LRRC37A3: variants seen among roughly 807,000 people sequenced by gnomAD.
LRRC37A3 encodes the protein leucine rich repeat containing 37 member A3, also known as leucine-rich repeat-containing protein 37A3.
Under a neutral mutation model 106.2 loss-of-function variants are expected in LRRC37A3, and 25 were observed. That is an observed-to-expected ratio of 0.24 (90% CI 0.17 to 0.33). LRRC37A3 has a LOEUF of 0.33. Ranked by LOEUF, LRRC37A3 falls within the 10% of genes least tolerant of loss-of-function variation. The pLI, the probability that LRRC37A3 is intolerant of heterozygous loss-of-function variation, is 1.00. For missense variants in LRRC37A3, 712 were observed against 1,644.9 expected (o/e 0.43, Z 9.81); for synonymous variants, 305 against 635.8 (o/e 0.48, Z 7.83).
intron 2 of LRRC37A3, among the ~76,000 whole-genome samples, chr17:64,918,480 T>G: frequency 6.6e-6 from 1 of 152,192 alleles, no homozygotes; most frequent in Non-Finnish European, 1.5e-5. Context: ...GATGTGTACA[T>G]GATTCATGTT....
rs573956834 is a variant in LRRC37A3, at chr17:64,864,573, G to A, written c.3054-1555C>T. On this transcript the variant is annotated intron_variant, in intron 10 of 14. Coordinates refer to ENST00000584306, the MANE Select transcript of LRRC37A3 (RefSeq NM_199340.5). ...TTTCAGAGAGATAAAAACAATCCCT[G>A]TAACTGAAGTAAAAGGTTAATCTTA... 2.2e-3 allele frequency among the ~76,000 whole-genome samples: 329 copies of A among 151,974 alleles called. 1 individual carries two copies. Among genetic ancestry groups the A allele is most frequent in the African/African-American group, 7.5e-3 (312 of 41,446 alleles).
intron 8 of LRRC37A3, chr17:64,881,214 G>T: frequency 1.4e-6 from 1 of 700,758 alleles, no homozygotes; most frequent in East Asian, 2.7e-5. Context: ...TAGAGAATCT[G>T]AAACAGTGAG....
intron 2 of LRRC37A3, among the ~76,000 whole-genome samples, chr17:64,913,337 GTTTT>G (rs945846426): frequency 4.8e-5 from 5 of 103,764 alleles, no homozygotes; most frequent in Non-Finnish European, 6.8e-5. Flanking sequence ...CCTATTTTGG[GTTTT>G]TTTTTTTTTT....
At chr17:64,881,681 T>C (rs1347492455) in intron 8 of LRRC37A3, among the ~76,000 whole-genome samples, 13 of 147,410 alleles carry the variant, frequency 8.8e-5, no homozygotes, top group Non-Finnish European at 1.5e-4. Context: ...CACTTTCTGG[T>C]GAAGTGACTT....
intron 1 of LRRC37A3, 64 bp from the exon 2 acceptor site, chr17:64,918,934 T>C (rs1201078382): frequency 2.1e-6 from 2 of 934,954 alleles, no homozygotes; most frequent in Non-Finnish European, 2.8e-6. Context: ...CACCACTTTG[T>C]TGACGGCCGT....
In LRRC37A3 at chr17:64,897,297, A is replaced by C; in HGVS notation, c.-40T>G. ...GACGCTCGTGCCCCTTGTAAGCATG[A>C]GTCCCGCCCTGTCTTTATGACACCT... is the stretch of plus-strand genomic sequence containing the variant. On this transcript the variant is annotated 5_prime_UTR_variant, in exon 4 of 15. Coordinates refer to ENST00000584306, the MANE Select transcript of LRRC37A3 (RefSeq NM_199340.5). The C allele has an allele frequency of 6.2e-7, 1 of 1,609,764 alleles. No homozygotes were observed. The highest frequency in any genetic ancestry group is 8.5e-7 in the Non-Finnish European group (1 of 1,179,860).
chr17:64,913,669 A>G (rs1211253642), intron 2 of LRRC37A3, among the ~76,000 whole-genome samples: 2 of 151,828 alleles, frequency 1.3e-5, no homozygotes, highest in Non-Finnish European at 2.9e-5. Flanking sequence ...AATGATTATT[A>G]CCAGAAATAA....
chr17:64,905,496 TAGG>T (rs1250934710), intron 2 of LRRC37A3: 22 of 337,006 alleles, frequency 6.5e-5, no homozygotes, highest in African/African-American at 5.1e-4. Context: ...CTGAAGCTGT[TAGG>T]AGTTTTAGTG....
At chr17:64,857,295 C>T (rs1216395615) in intron 13 of LRRC37A3, among the ~76,000 whole-genome samples, 1 of 151,926 alleles carries the variant, frequency 6.6e-6, no homozygotes, top group Non-Finnish European at 1.5e-5. Flanking sequence ...AATTTAGGAA[C>T]AAAAATACAA....
At chr17:64,877,796 T>G (rs1276141149) in intron 8 of LRRC37A3, among the ~76,000 whole-genome samples, 1 of 152,188 alleles carries the variant, frequency 6.6e-6, no homozygotes, top group Admixed American at 6.5e-5. Context: ...GATACTGGAA[T>G]GTGGACAGAC....
At chr17:64,915,162 AGAT>A (rs1401858245) in intron 2 of LRRC37A3, among the ~76,000 whole-genome samples, 2 of 152,248 alleles carry the variant, frequency 1.3e-5, no homozygotes, top group East Asian at 3.9e-4. Flanking sequence ...TAAACATCTG[AGAT>A]GATGGATACC....
In LRRC37A3 at chr17:64,859,969, C is replaced by T. The variant is rs1972811314; in HGVS notation, c.4177G>A (p.Ala1393Thr). 1 of 1,613,690 alleles carries T rather than the reference C, an allele frequency of 6.2e-7. No homozygotes were observed. Among genetic ancestry groups the T allele is most frequent in the Non-Finnish European group, 8.5e-7 (1 of 1,179,864 alleles). Residue 1393 changes from alanine to threonine, a missense_variant, in exon 12 of 15, where the codon GCA (alanine) becomes ACA (threonine). Transcript: ENST00000584306. Reference protein sequence around the residue: ...IENNNTKDTTARNAFEENVFM... With the variant: ...IENNNTKDTTTRNAFEENVFM... ...ACATTTTCTTCAAAGGCATTTCTTGCAGTTGTGTCTTTTGTATTATTGTTT... is the reference window on the plus strand; with the variant it reads ...ACATTTTCTTCAAAGGCATTTCTTGTAGTTGTGTCTTTTGTATTATTGTTT...
chr17:64,881,102 A>T (rs1973685759), intron 8 of LRRC37A3: 3 of 700,780 alleles, frequency 4.3e-6, no homozygotes, highest in Admixed American at 4.0e-5. Flanking sequence ...TCTTTCCTTT[A>T]TTCATCTACA....
At chr17:64,856,550 ACTTT>A (rs1972684140) in intron 13 of LRRC37A3, among the ~76,000 whole-genome samples, 2 of 151,216 alleles carry the variant, frequency 1.3e-5, no homozygotes, top group African/African-American at 4.9e-5. Flanking sequence ...GTTATATTGT[ACTTT>A]CTGTTTGTAT....
chr17:64,861,659 G>T (rs1289500433), intron 11 of LRRC37A3, among the ~76,000 whole-genome samples: 1 of 152,216 alleles, frequency 6.6e-6, no homozygotes, highest in East Asian at 1.9e-4. Flanking sequence ...AAATTTGCCA[G>T]ATTGTATGCC....
intron 8 of LRRC37A3, among the ~76,000 whole-genome samples, chr17:64,874,637 C>T (rs1432910553): frequency 4.6e-5 from 7 of 152,124 alleles, no homozygotes; most frequent in East Asian, 1.9e-4. Flanking sequence ...ATGACGATGG[C>T]GGTTTTGTTG....
chr17:64,861,616 G>A (rs1370809447), intron 11 of LRRC37A3, among the ~76,000 whole-genome samples: 1 of 152,192 alleles, frequency 6.6e-6, no homozygotes, highest in African/African-American at 2.4e-5. Flanking sequence ...TTAAATTTGG[G>A]CAGGGATTTG....
chr17:64,858,357 CT>C (rs1364840456), intron 13 of LRRC37A3, among the ~76,000 whole-genome samples: 3 of 152,338 alleles, frequency 2.0e-5, no homozygotes, highest in African/African-American at 7.2e-5. Flanking sequence ...ATACTTCTGT[CT>C]TTTGGCTCTC....
At chr17:64,870,202 T>G (rs1292011526) in intron 8 of LRRC37A3, among the ~76,000 whole-genome samples, 1 of 151,484 alleles carries the variant, frequency 6.6e-6, no homozygotes, top group Non-Finnish European at 1.5e-5. Flanking sequence ...GCAATTCTCC[T>G]GCCTTAGCCT....
Sources: allele counts gnomAD v4.1 joint callset (sites outside exome capture counted in the v4.1 genomes callset), GRCh38; gene constraint gnomAD v4.1.1; transcripts MANE v1.5; gene names NCBI Gene and HGNC (gene_info 2026-07-23, HGNC 2026-07-21).